Variants in SLC35F1 observed in about 807,000 individuals in gnomAD.
The protein encoded by SLC35F1 is chromosome 6 open reading frame 169.
In SLC35F1, 14 loss-of-function variants were observed where a neutral mutation model predicts 48.7. The ratio of observed to expected loss-of-function variants is 0.29; its 90% CI spans 0.19 to 0.45. The LOEUF is 0.45. SLC35F1 is among the 20% of genes least tolerant of loss of function. SLC35F1 has a pLI of 1.00. For missense variants in SLC35F1, 404 were observed against 500.0 expected, an observed-to-expected ratio of 0.81 and a Z score of 1.83; for synonymous variants, 190 against 202.2, an observed-to-expected ratio of 0.94 and a Z score of 0.51.
At chr6:118,097,653 T>A (rs568842110) in intron 1 of SLC35F1, among the ~76,000 whole-genome samples, 1 of 152,336 alleles carries the variant, frequency 6.6e-6, no homozygotes, top group African/African-American at 2.4e-5. Flanking sequence ...TGCAGGAAAT[T>A]GTATTCAAAT....
chr6:117,970,054 AGT>A (rs1203630970), intron 1 of SLC35F1, among the ~76,000 whole-genome samples: 1 of 152,212 alleles, frequency 6.6e-6, no homozygotes. Flanking sequence ...GTTTTTAGGA[AGT>A]TCGTACATTT....
chr6:118,096,822 C>T (rs975566140), intron 1 of SLC35F1, among the ~76,000 whole-genome samples: 1 of 152,148 alleles, frequency 6.6e-6, no homozygotes, highest in Non-Finnish European at 1.5e-5. Flanking sequence ...TGGTTTCACT[C>T]CTACCCCAAA....
intron 1 of SLC35F1, among the ~76,000 whole-genome samples, chr6:117,940,661 G>A (rs371038698): frequency 3.3e-5 from 5 of 151,524 alleles, no homozygotes; most frequent in African/African-American, 1.2e-4. Context: ...TTTTGTGTGT[G>A]TGTGTGTGAC....
chr6:118,017,937 A>T (rs1463248410), intron 1 of SLC35F1, among the ~76,000 whole-genome samples: 1 of 152,232 alleles, frequency 6.6e-6, no homozygotes, highest in Non-Finnish European at 1.5e-5. Context: ...ATGGTGCCTC[A>T]TAAGTGATCA....
At chr6:118,264,809 A>AACTGAAATTTCCTAATAC (rs1347868063) in intron 3 of SLC35F1, among the ~76,000 whole-genome samples, 5 of 152,238 alleles carry the variant, frequency 3.3e-5, no homozygotes, top group African/African-American at 9.6e-5. Context: ...TTCAATGACA[A>AACTGAAATTTCCTAATAC]ACTGAAATTT....
chr6:118,133,832 A>G (rs1311531768), intron 1 of SLC35F1, among the ~76,000 whole-genome samples: 2 of 152,284 alleles, frequency 1.3e-5, no homozygotes, highest in East Asian at 3.9e-4. Context: ...AGTCTCTGGA[A>G]CTGTGGGCAT....
rs1287852397 is a variant in SLC35F1, at chr6:117,918,456, G to C, written c.173+10557G>C. On this transcript the variant is annotated intron_variant, in intron 1 of 7. Transcript: ENST00000360388. ...ATGAAGGTAATTTGGTAGATTTCAT[G>C]ATTTCGTGGTGGGAATCATAGGCAG... 3.3e-5 allele frequency among the ~76,000 whole-genome samples: 5 copies of C among 152,146 alleles called. No homozygotes were observed. The East Asian group carries it at 7.7e-4, about 23-fold the overall frequency.
At chr6:118,035,068 A>G (rs1201921950) in intron 1 of SLC35F1, among the ~76,000 whole-genome samples, 1 of 152,172 alleles carries the variant, frequency 6.6e-6, no homozygotes, top group East Asian at 1.9e-4. Flanking sequence ...TAATAGATAC[A>G]GGGCTCTTTA....
In SLC35F1 at chr6:118,057,561, G is replaced by T. The variant is rs1469725868; in HGVS notation, c.174-96884G>T. Among the ~76,000 whole-genome samples the T allele has an allele frequency of 3.3e-5, 5 of 152,288 alleles. No individual in the cohort carries two copies. In the East Asian group the frequency reaches 9.7e-4, roughly 29 times the overall value. On this transcript the variant is annotated intron_variant, in intron 1 of 7. Transcript: ENST00000360388. ...AGAAAAAAAAATTCTCTTCTAATTT[G>T]AGAAGAGATTAATCTGGCTAAAACG...
intron 1 of SLC35F1, among the ~76,000 whole-genome samples, chr6:118,124,948 A>G (rs1773602655): frequency 6.6e-6 from 1 of 152,198 alleles, no homozygotes; most frequent in Non-Finnish European, 1.5e-5. Flanking sequence ...TGAACAGTAA[A>G]TTATAATGAT....
intron 1 of SLC35F1, among the ~76,000 whole-genome samples, chr6:117,929,194 A>G (rs796069191): frequency 2.6e-5 from 4 of 151,980 alleles, no homozygotes; most frequent in African/African-American, 9.7e-5. Flanking sequence ...TGCTATATAA[A>G]CCCCTAATTT....
rs11372368 is a variant in SLC35F1, at chr6:118,259,704, C to CAA, written c.478-7281_478-7280dup. 4.1e-3 allele frequency among the ~76,000 whole-genome samples: 599 copies of CAA among 147,734 alleles called. 2 individuals carry two copies. Among genetic ancestry groups the CAA allele is most frequent in the South Asian group, 6.0e-3 (28 of 4,690 alleles). On this transcript the variant is annotated intron_variant, in intron 3 of 7. Transcript: ENST00000360388. Reference sequence around the variant, plus strand: ...CCACACCCAGCAGGATAGCAAAAATCAAAAAAAAAAATACAGTAACAAATG... The same window carrying CAA: ...CCACACCCAGCAGGATAGCAAAAATCAAAAAAAAAAAAATACAGTAACAAATG...
chr6:117,909,676 A>G (rs1775739277), intron 1 of SLC35F1, among the ~76,000 whole-genome samples: 1 of 152,166 alleles, frequency 6.6e-6, no homozygotes, highest in African/African-American at 2.4e-5. Context: ...ATAATGCTGA[A>G]GAAAACACTT....
chr6:118,235,878 T>A (rs1428488317), intron 3 of SLC35F1, among the ~76,000 whole-genome samples: 1 of 152,186 alleles, frequency 6.6e-6, no homozygotes, highest in Admixed American at 6.5e-5. Flanking sequence ...TAAATTTAAG[T>A]GTAATTGGAC....
intron 2 of SLC35F1, among the ~76,000 whole-genome samples, chr6:118,164,291 T>G (rs1774283663): frequency 6.6e-6 from 1 of 152,208 alleles, no homozygotes; most frequent in Non-Finnish European, 1.5e-5. Flanking sequence ...TATTTGAAGC[T>G]TCTTCCAAAA....
rs565476540 is a variant in SLC35F1 at position 118,250,588 on chromosome 6, G to C, written c.477+14952G>C. On this transcript the variant is annotated intron_variant, in intron 3 of 7. Transcript: ENST00000360388. ...TAATCTGGATTTAGGGAGCCAGAGAGGGCTTCCTGGAGGAAGCACTGGCTA... is the reference window on the plus strand; with the variant it reads ...TAATCTGGATTTAGGGAGCCAGAGACGGCTTCCTGGAGGAAGCACTGGCTA... Among the ~76,000 whole-genome samples, 68 of 152,314 alleles carry C rather than the reference G, an allele frequency of 4.5e-4. 1 individual carries two copies. Among genetic ancestry groups the C allele is most frequent in the Admixed American group, 3.9e-3 (60 of 15,304 alleles).
intron 2 of SLC35F1, among the ~76,000 whole-genome samples, chr6:118,183,183 T>C (rs994778821): frequency 6.6e-6 from 1 of 152,164 alleles, no homozygotes; most frequent in African/African-American, 2.4e-5. Context: ...GCTTCCTAGG[T>C]AGCTTTGAAA....
intron 1 of SLC35F1, among the ~76,000 whole-genome samples, chr6:118,071,072 A>ATACACGTAGTATATATATT (rs1562280979): frequency 2.5e-4 from 1 of 3,974 alleles, no homozygotes; most frequent in African/African-American, 1.0e-3. Context: ...ACGTATATAT[A>ATACACGTAGTATATATATT]CTATGTGTAT....
intron 2 of SLC35F1, among the ~76,000 whole-genome samples, chr6:118,201,669 G>A (rs148921947): frequency 2.2e-4 from 33 of 152,150 alleles, no homozygotes; most frequent in African/African-American, 7.7e-4. Flanking sequence ...TAATTCGGTG[G>A]GTTTTAGTAT....
Sources: allele counts gnomAD v4.1 joint callset (sites outside exome capture counted in the v4.1 genomes callset), GRCh38; gene constraint gnomAD v4.1.1; transcripts MANE v1.5; gene names NCBI Gene and HGNC (gene_info 2026-07-23, HGNC 2026-07-21).